The following GRIA2 variants were observed in gnomAD, a reference collection of about 807,000 sequenced individuals.
GRIA2 encodes the protein glutamate ionotropic receptor AMPA type subunit 2.
GRIA2 carries 14 observed loss-of-function variants against 97.3 expected under a neutral mutation model. The observed-to-expected ratio is 0.14, with a 90% confidence interval of 0.10 to 0.23. The LOEUF (loss-of-function observed/expected upper bound fraction) is 0.23. GRIA2 is among the 10% of genes least tolerant of loss of function. GRIA2 has a pLI of 1.00. For synonymous variants in GRIA2, 412 were observed against 387.8 expected (o/e 1.06, Z -0.73); for missense variants, 558 against 1,069.8 (o/e 0.52, Z 6.67).
intron 2 of GRIA2, among the ~76,000 whole-genome samples, chr4:157,234,854 G>C (rs1310891224): frequency 6.6e-6 from 1 of 152,104 alleles, no homozygotes; most frequent in African/African-American, 2.4e-5. Context: ...ATTTCTCTTA[G>C]GGAGCAGAGA....
chr4:157,265,621 C>A (rs536229551), intron 2 of GRIA2, among the ~76,000 whole-genome samples: 15 of 152,036 alleles, frequency 9.9e-5, no homozygotes, highest in Non-Finnish European at 2.1e-4. Context: ...AGAGTGAGTT[C>A]ATATGCAAGA....
Position 157,362,960 on chromosome 4 carries a change from C to T in GRIA2, c.2568C>T (p.Asn856=), listed in dbSNP as rs753487419. Residue 856 remains asparagine, a synonymous_variant, in exon 15 of 16, where the codon AAC becomes AAT. Transcript: ENST00000264426. ...MKVAKNAQNI[N]PSSSQNSQNF... ...TGGCAAAGAATGCACAGAATATTAA[C>T]CCATCTTCCTCGCAGAATTCACAGA... is the stretch of plus-strand genomic sequence containing the variant. The T allele has an allele frequency of 4.3e-6, 7 of 1,613,448 alleles. No individual in the cohort carries two copies. In the South Asian group the frequency reaches 7.7e-5, roughly 18 times the overall value.
intron 12 of GRIA2, among the ~76,000 whole-genome samples, chr4:157,356,517 G>T (rs1736385513): frequency 6.6e-6 from 1 of 152,016 alleles, no homozygotes; most frequent in Non-Finnish European, 1.5e-5. Flanking sequence ...TGTTGCTTAT[G>T]AGGGTGGTGA....
chr4:157,231,174 G>T (rs1729999494), intron 2 of GRIA2, among the ~76,000 whole-genome samples: 1 of 152,092 alleles, frequency 6.6e-6, no homozygotes, highest in South Asian at 2.1e-4. Flanking sequence ...CAGTAGCTGG[G>T]ACTACAGGTG....
intron 2 of GRIA2, among the ~76,000 whole-genome samples, chr4:157,259,601 G>A (rs1419464560): frequency 6.6e-6 from 1 of 152,088 alleles, no homozygotes; most frequent in African/African-American, 2.4e-5. Flanking sequence ...TAAAAGAGGA[G>A]CAAGAACATT....
At chr4:157,296,001 T>C (rs1325602563) in intron 2 of GRIA2, among the ~76,000 whole-genome samples, 5 of 152,138 alleles carry the variant, frequency 3.3e-5, no homozygotes, top group African/African-American at 1.2e-4. Flanking sequence ...TGCAAAGAAA[T>C]TCAATGTATG....
At chr4:157,274,526 C>T (rs1489533865) in intron 2 of GRIA2, among the ~76,000 whole-genome samples, 1 of 135,650 alleles carries the variant, frequency 7.4e-6, no homozygotes, top group African/African-American at 2.7e-5. Flanking sequence ...CCTCCCCCCA[C>T]CCCACAACAG....
At chr4:157,362,522 A>G (rs1736675736) in intron 14 of GRIA2, 1 of 556,442 alleles carries the variant, frequency 1.8e-6, no homozygotes, top group African/African-American at 1.9e-5. Flanking sequence ...TATCACTGCA[A>G]CTGACATAGC....
chr4:157,262,186 T>C (rs1258737332), intron 2 of GRIA2, among the ~76,000 whole-genome samples: 1 of 152,086 alleles, frequency 6.6e-6, no homozygotes, highest in African/African-American at 2.4e-5. Context: ...TGATTGAAAC[T>C]GTTTCATTAG....
At chr4:157,221,952 GA>G in intron 2 of GRIA2, 145 bp downstream of exon 2, 5 of 721,214 alleles carry the variant, frequency 6.9e-6, no homozygotes, top group Non-Finnish European at 1.2e-5. Context: ...GCGTGCGTGT[GA>G]CCGTGTAGAG....
Position 157,322,252 on chromosome 4 carries a change from T to A in GRIA2, c.882+653T>A, listed in dbSNP as rs897246079. Among the ~76,000 whole-genome samples, 222 of 144,108 alleles carry A rather than the reference T, an allele frequency of 1.5e-3. 1 individual carries two copies. Among genetic ancestry groups the A allele is most frequent in the African/African-American group, 5.1e-3 (196 of 38,380 alleles). 94.5% of individuals were successfully genotyped at this position (144,108 alleles called of 152,430 possible). ...GAAAGAGAGAGAGAGAGTGTGTGTG[T>A]GTGTGTGTGTGTGTGTGTGTGTGTG... On this transcript the variant is annotated intron_variant, in intron 6 of 15. Coordinates refer to ENST00000264426, the MANE Select transcript of GRIA2 (RefSeq NM_001083619.3).
At chr4:157,246,317 GTC>G (rs1452195739) in intron 2 of GRIA2, among the ~76,000 whole-genome samples, 2 of 152,066 alleles carry the variant, frequency 1.3e-5, no homozygotes, top group African/African-American at 4.8e-5. Flanking sequence ...ACATGATATT[GTC>G]TCTATGAAAA....
In GRIA2 at chr4:157,248,425, G is replaced by A. The variant is rs148658503; in HGVS notation, c.229+26618G>A. ...ATATTCAAAATACAAAAATTAGGCC[G>A]GTGTGGTGGCACACGCTTGTAATCC... On this transcript the variant is annotated intron_variant, in intron 2 of 15. Transcript: ENST00000264426. Among the ~76,000 whole-genome samples the A allele has an allele frequency of 7.3e-3, 1,093 of 148,860 alleles. 9 individuals are homozygous for A. Among genetic ancestry groups the A allele is most frequent in the African/African-American group, 0.025 (1,016 of 40,568 alleles).
At chr4:157,271,708 G>A (rs1732032345) in intron 2 of GRIA2, among the ~76,000 whole-genome samples, 1 of 152,048 alleles carries the variant, frequency 6.6e-6, no homozygotes, top group South Asian at 2.1e-4. Flanking sequence ...CCTCCCTGGA[G>A]GTTGTGGGTG....
chr4:157,303,856 T>C (rs191657824), intron 3 of GRIA2, 65 bp downstream of exon 3: 2 of 1,514,860 alleles, frequency 1.3e-6, no homozygotes, highest in East Asian at 4.5e-5. Flanking sequence ...GACACTTCTA[T>C]GGATGTTATA....
chr4:157,301,217 C>T (rs977779296), intron 2 of GRIA2, among the ~76,000 whole-genome samples: 46 of 152,142 alleles, frequency 3.0e-4, no homozygotes, highest in African/African-American at 1.0e-3. Flanking sequence ...AGTACACATA[C>T]ACTTATGTAT....
intron 2 of GRIA2, among the ~76,000 whole-genome samples, chr4:157,277,834 G>GTA (rs368767190): frequency 0.034 from 2,515 of 73,644 alleles, 33 homozygotes; most frequent in Middle Eastern, 0.07. Context: ...ATGTATATAT[G>GTA]TATATATATA....
At chr4:157,265,822 A>G (rs566581324) in intron 2 of GRIA2, among the ~76,000 whole-genome samples, 1 of 152,178 alleles carries the variant, frequency 6.6e-6, no homozygotes, top group South Asian at 2.1e-4. Context: ...CAATAGAAAG[A>G]CTTTGGGTAG....
intron 2 of GRIA2, among the ~76,000 whole-genome samples, chr4:157,230,147 C>A (rs958105455): frequency 6.6e-5 from 10 of 152,104 alleles, no homozygotes; most frequent in African/African-American, 1.7e-4. Flanking sequence ...AGCTCATAAA[C>A]CCTTTGCAGC....
Sources: gnomAD v4.1 joint callset for allele counts (sites outside exome capture counted in the v4.1 genomes callset) on GRCh38, gnomAD v4.1.1 for gene constraint, MANE v1.5 for transcripts, NCBI Gene and HGNC (gene_info 2026-07-23, HGNC 2026-07-21) for gene names.